The following XIRP2 variants were observed in gnomAD, a reference collection of about 807,000 sequenced individuals.
The protein encoded by XIRP2 is xin actin binding repeat containing 2, also known as xin actin-binding repeat-containing protein 2.
XIRP2 carries 236 observed loss-of-function variants against 277.0 expected under a neutral mutation model. The ratio of observed to expected loss-of-function variants is 0.85; its 90% CI spans 0.77 to 0.95. XIRP2 has a LOEUF of 0.95. Ranked by LOEUF, XIRP2 falls within the 40% of genes least tolerant of loss-of-function variation. XIRP2 has a pLI of 0.00. For synonymous variants in XIRP2, 1,490 were observed against 1,416.5 expected (o/e 1.05, Z -1.17); for missense variants, 4,640 against 4,157.5 (o/e 1.12, Z -3.19).
chr2:166,967,574 A>G (rs1419736952), intron 2 of XIRP2, among the ~76,000 whole-genome samples: 2 of 151,904 alleles, frequency 1.3e-5, no homozygotes, highest in South Asian at 2.1e-4. Context: ...AAAGAAATGT[A>G]TGGCAAAGCG....
chr2:167,034,554 AC>A (rs1688458761), intron 2 of XIRP2, among the ~76,000 whole-genome samples: 1 of 152,030 alleles, frequency 6.6e-6, no homozygotes, highest in Non-Finnish European at 1.5e-5. Context: ...AACATACTTC[AC>A]CTATAAAGAT....
At chr2:167,090,664 G>A (rs1690113174) in intron 2 of XIRP2, among the ~76,000 whole-genome samples, 1 of 152,066 alleles carries the variant, frequency 6.6e-6, no homozygotes, top group African/African-American at 2.4e-5. Flanking sequence ...CTTTGGCACT[G>A]CATTACAACA....
At chr2:166,958,619 G>A (rs1223229628) in intron 2 of XIRP2, among the ~76,000 whole-genome samples, 5 of 151,744 alleles carry the variant, frequency 3.3e-5, no homozygotes, top group African/African-American at 4.8e-5. Context: ...CTGCCTCTTA[G>A]GGTTGTGAGG....
At chr2:167,168,550 T>G (rs1692587911) in intron 3 of XIRP2, among the ~76,000 whole-genome samples, 1 of 152,224 alleles carries the variant, frequency 6.6e-6, no homozygotes, top group Admixed American at 6.5e-5. Context: ...CATTCTTCAA[T>G]TCTGTTATAG....
At chr2:167,032,933 C>T (rs1379036530) in intron 2 of XIRP2, among the ~76,000 whole-genome samples, 3 of 152,074 alleles carry the variant, frequency 2.0e-5, no homozygotes, top group Non-Finnish European at 4.4e-5. Flanking sequence ...ACCCAGCAAT[C>T]CCAATACTGG....
At chr2:166,893,037 G>A (rs937233806) in intron 1 of XIRP2, among the ~76,000 whole-genome samples, 4 of 150,806 alleles carry the variant, frequency 2.7e-5, no homozygotes, top group Admixed American at 1.3e-4. Flanking sequence ...GAGAGGGATC[G>A]CATGCTGATT....
Position 167,242,850 on chromosome 2 carries a change from A to T in XIRP2, c.1458A>T (p.Lys486Asn), listed in dbSNP as rs756745645. ...PSPPRRLPVP[K>N]DVYSKQRNLY... ...CTCCTAGAAGACTACCAGTCCCCAAAGATGTATATTCCAAGCAAAGAAATT... is the reference window on the plus strand; with the variant it reads ...CTCCTAGAAGACTACCAGTCCCCAATGATGTATATTCCAAGCAAAGAAATT... The change falls in exon 9 of 11, where the codon AAA (lysine) becomes AAT (asparagine). Residue 486 changes from lysine (K) to asparagine (N), a missense_variant. Physicochemically the swap from Lys to Asn is moderately conservative, Grantham distance 94 (BLOSUM62 0). Transcript: ENST00000409195. 9 of 1,614,042 alleles carry T rather than the reference A, an allele frequency of 5.6e-6. No individual in the cohort carries two copies. Among genetic ancestry groups the T allele is most frequent in the African/African-American group, 1.3e-5 (1 of 74,926 alleles).
At chr2:166,975,378 G>C (rs546395051) in intron 2 of XIRP2, among the ~76,000 whole-genome samples, 1 of 152,244 alleles carries the variant, frequency 6.6e-6, no homozygotes, top group South Asian at 2.1e-4. Flanking sequence ...TATTCTCTAA[G>C]ATATACCATA....
chr2:166,973,536 A>T (rs1260878547), intron 2 of XIRP2, among the ~76,000 whole-genome samples: 2 of 152,146 alleles, frequency 1.3e-5, no homozygotes, highest in African/African-American at 4.8e-5. Flanking sequence ...CAGGGTATCA[A>T]ACTCAGGTCA....
At chr2:167,065,675 T>C (rs1689285096) in intron 2 of XIRP2, among the ~76,000 whole-genome samples, 1 of 151,922 alleles carries the variant, frequency 6.6e-6, no homozygotes, top group African/African-American at 2.4e-5. Flanking sequence ...ACTGTCATAA[T>C]TTCGGGCTCA....
rs1695585947 is a variant in XIRP2, at chr2:167,253,911, T to C, written c.10556-121T>C. 4.5e-6 allele frequency: 5 copies of C among 1,115,344 alleles called. No individual in the cohort carries two copies. The Admixed American group carries it at 8.1e-5, about 18-fold the overall frequency. 69.1% of individuals were successfully genotyped at this position (1,115,344 alleles called of 1,614,324 possible). A position where few individuals can be genotyped will look rare whatever the true frequency, so the allele number is the denominator to read the frequency against. ...GTCCAGAGAAACATCATAAGGACAG[T>C]AGTCTTAGAGCTTTTCTACTTTAAC... On this transcript the variant is annotated intron_variant, in intron 9 of 10. Coordinates refer to ENST00000409195, the MANE Select transcript of XIRP2 (RefSeq NM_152381.6).
At chr2:166,938,961 C>T (rs1022592022) in intron 2 of XIRP2, among the ~76,000 whole-genome samples, 2 of 152,138 alleles carry the variant, frequency 1.3e-5, no homozygotes, top group East Asian at 1.9e-4. Flanking sequence ...CTTCCTCCAT[C>T]CCTTTATTTT....
At chr2:167,237,704 T>G (rs1190068943) in intron 5 of XIRP2, among the ~76,000 whole-genome samples, 1 of 152,174 alleles carries the variant, frequency 6.6e-6, no homozygotes, top group African/African-American at 2.4e-5. Context: ...GAGACATGAT[T>G]CTATAGAAAT....
At chr2:167,159,693 A>G (rs538134675) in intron 3 of XIRP2, among the ~76,000 whole-genome samples, 3 of 152,268 alleles carry the variant, frequency 2.0e-5, no homozygotes, top group Non-Finnish European at 2.9e-5. Flanking sequence ...AAAAAACAAT[A>G]AAAGGAACTT....
At chr2:167,106,472 G>T (rs1024706581) in intron 2 of XIRP2, among the ~76,000 whole-genome samples, 1 of 151,534 alleles carries the variant, frequency 6.6e-6, no homozygotes, top group Admixed American at 6.6e-5. Flanking sequence ...TCAAAAATCA[G>T]TTAGGCATAT....
intron 2 of XIRP2, among the ~76,000 whole-genome samples, chr2:167,112,996 T>C (rs377148296): frequency 1.4e-4 from 22 of 152,126 alleles, no homozygotes; most frequent in South Asian, 1.2e-3. Context: ...AAGAGTTTGG[T>C]TGGTATGATT....
At chr2:166,902,463 G>A (rs1684408459) in intron 1 of XIRP2, among the ~76,000 whole-genome samples, 1 of 152,036 alleles carries the variant, frequency 6.6e-6, no homozygotes, top group Admixed American at 6.6e-5. Context: ...TTGTTTACCA[G>A]ACCCACTGTG....
chr2:167,109,610 T>A (rs934347288), intron 2 of XIRP2, among the ~76,000 whole-genome samples: 87 of 152,310 alleles, frequency 5.7e-4, no homozygotes, highest in African/African-American at 1.8e-3. Flanking sequence ...CAGTCTAACG[T>A]TCATGGGCAT....
chr2:167,026,163 G>C (rs1338008813), intron 2 of XIRP2, among the ~76,000 whole-genome samples: 1 of 152,106 alleles, frequency 6.6e-6, no homozygotes, highest in African/African-American at 2.4e-5. Flanking sequence ...TATATATTTA[G>C]GATAGTTAGC....
Sources: gnomAD v4.1 joint callset for allele counts (sites outside exome capture counted in the v4.1 genomes callset) on GRCh38, gnomAD v4.1.1 for gene constraint, MANE v1.5 for transcripts, NCBI Gene and HGNC (gene_info 2026-07-23, HGNC 2026-07-21) for gene names.